Variants in ALG3 observed in about 807,000 individuals in gnomAD.
The protein encoded by ALG3 is dol-P-Man:Man(5)GlcNAc(2)-PP-Dol alpha-1,3-mannosyltransferase.
Under a neutral mutation model 50.5 loss-of-function variants are expected in ALG3, and 39 were observed. The ratio of observed to expected loss-of-function variants is 0.77; its 90% confidence interval spans 0.60 to 1.01. The LOEUF is 1.01. Among genes scored for constraint, ALG3 ranks in the 50% least tolerant of loss-of-function variants. The pLI is 0.00. For synonymous variants in ALG3, 252 were observed against 237.2 expected, an observed-to-expected ratio of 1.06 and a Z score of -0.58; for missense variants, 520 against 554.8, an observed-to-expected ratio of 0.94 and a Z score of 0.63.
rs563443280 is a variant in ALG3, at chr3:184,242,849, C to T, written c.1118G>A (p.Trp373Ter). 1 of 1,613,888 alleles carries T rather than the reference C, an allele frequency of 6.2e-7. No homozygotes were observed. The highest frequency in any genetic ancestry group is 2.2e-5 in the East Asian group (1 of 44,886). ...TGTGAGCCAGCGTGCAGGCATGGCCCACAGGAGGTAGGGCAGTGTGTGGAA... is the reference window on the plus strand; with the variant it reads ...TGTGAGCCAGCGTGCAGGCATGGCCTACAGGAGGTAGGGCAGTGTGTGGAA... ...WYFHTLPYLL[W>*]AMPARWLTHL... The change falls in exon 8 of 9, where the codon TGG becomes TAG. Residue 373 changes from tryptophan to a stop codon, truncating the protein, a stop_gained. Transcript: ENST00000397676. LOFTEE classifies it high-confidence loss of function.
chr3:184,247,151 G>A (rs1577106675), intron 1 of ALG3, among the ~76,000 whole-genome samples: 1 of 151,828 alleles, frequency 6.6e-6, no homozygotes, highest in Admixed American at 6.6e-5. Context: ...TGATCTGCCC[G>A]CCTCGGGCTC....
intron 5 of ALG3, 57 bp downstream of exon 5, chr3:184,244,544 C>G: frequency 6.4e-7 from 1 of 1,570,506 alleles, no homozygotes; most frequent in Non-Finnish European, 8.6e-7. Context: ...TAGAGCCCCT[C>G]AATCAAGACA....
At chr3:184,243,178 T>C (rs1718928984) in intron 7 of ALG3, 1 of 634,428 alleles carries the variant, frequency 1.6e-6, no homozygotes, top group Non-Finnish European at 2.7e-6. Context: ...TTTGAACCCC[T>C]AACTTACTGG....
intron 7 of ALG3, chr3:184,243,274 C>T: frequency 5.3e-6 from 3 of 570,656 alleles, no homozygotes; most frequent in Non-Finnish European, 6.2e-6. Flanking sequence ...AAGTGTACCT[C>T]CCTGTCTCGG....
At chr3:184,245,082 G>A (rs1303419807) in intron 4 of ALG3, 116 bp downstream of exon 4, 1 of 1,358,434 alleles carries the variant, frequency 7.4e-7, no homozygotes, top group Non-Finnish European at 1.0e-6. Flanking sequence ...TCGCTTTGTG[G>A]AGCCCTGAGT....
intron 7 of ALG3, chr3:184,243,336 T>C: frequency 1.7e-6 from 1 of 596,058 alleles, no homozygotes; most frequent in East Asian, 2.8e-5. Flanking sequence ...CTTATGATAG[T>C]ACCAGGGAGA....
intron 2 of ALG3, 21 bp from the exon 3 acceptor site, chr3:184,245,636 T>TGAG: frequency 6.2e-7 from 1 of 1,611,892 alleles, no homozygotes; most frequent in East Asian, 2.2e-5. Context: ...AGAGAAAATG[T>TGAG]GAGCCTGGGT....
rs1718989165 is a variant in ALG3 at position 184,244,013 on chromosome 3, T to A, written c.727-17A>T. The A allele has an allele frequency of 4.4e-6, 7 of 1,608,934 alleles. No homozygotes were observed. The highest frequency in any genetic ancestry group is 5.9e-6 in the Non-Finnish European group (7 of 1,177,158). ...CAGCACCACCTGAGGATTGGTGTGA[T>A]GTCAGCAGAGCTGCCAAGGCTCATT... On this transcript the variant is annotated splice_polypyrimidine_tract_variant and intron_variant, in intron 5 of 8. Coordinates refer to ENST00000397676, the MANE Select transcript of ALG3 (RefSeq NM_005787.6).
Position 184,245,534 on chromosome 3 carries a change from G to A in ALG3, c.378C>T (p.Asn126=). The A allele has an allele frequency of 1.2e-6, 2 of 1,613,998 alleles. No individual in the cohort carries two copies. The highest frequency in any genetic ancestry group is 1.7e-6 in the Non-Finnish European group (2 of 1,179,882). The change falls in exon 3 of 9, where the codon AAC becomes AAT. Residue 126 remains asparagine (N), a synonymous_variant. Coordinates refer to ENST00000397676, the MANE Select transcript of ALG3 (RefSeq NM_005787.6). ...TAGCCAGGTAGAGCACAGCAAAGAT[G>A]TTCTGGGCCATGCGGATGTCAGTGC... ...SRGTDIRMAQ[N]IFAVLYLATL...
chr3:184,242,352 T>G lies in ALG3; in HGVS notation c.*162A>C, dbSNP rs1247498744. The G allele has an allele frequency of 1.6e-5, 15 of 911,790 alleles. No individual in the cohort carries two copies. Among genetic ancestry groups the G allele is most frequent in the Non-Finnish European group, 2.6e-5 (15 of 571,100 alleles). 56.5% of individuals were successfully genotyped at this position (911,790 alleles called of 1,614,324 possible). ...GGACTGCTTGAGTGAATTCTTTATCTGCTCCATACGTGTCCCTCACAGCCT... is the reference window on the plus strand; with the variant it reads ...GGACTGCTTGAGTGAATTCTTTATCGGCTCCATACGTGTCCCTCACAGCCT... On this transcript the variant is annotated 3_prime_UTR_variant, in exon 9 of 9. Transcript: ENST00000397676.
chr3:184,242,750 A>G, intron 8 of ALG3, 63 bp downstream of exon 8: 1 of 1,598,804 alleles, frequency 6.3e-7, no homozygotes, highest in Non-Finnish European at 8.6e-7. Flanking sequence ...CATGCCCTAG[A>G]CATAAACCCC....
intron 7 of ALG3, 105 bp downstream of exon 7, chr3:184,243,449 G>A (rs1560162457): frequency 1.0e-6 from 1 of 1,003,822 alleles, no homozygotes; most frequent in Non-Finnish European, 1.5e-6. Flanking sequence ...TATGATTGGG[G>A]TCCCCTTTCC....
upstream of ALG3, chr3:184,248,966 C>T (rs747569137): frequency 6.4e-7 from 1 of 1,553,326 alleles, no homozygotes; most frequent in African/African-American, 1.4e-5. Context: ...CTTGTGTGGG[C>T]CCACCACCCC....
rs557190648 is a variant in ALG3, at chr3:184,243,833, T to G, written c.890A>C (p.His297Pro). The change falls in exon 6 of 9, where the codon CAC (histidine) becomes CCC (proline). Residue 297 changes from histidine (H) to proline (P), a missense_variant. Around this residue, in one of 3 missense-constraint regions of ALG3, gnomAD observed 224 missense variants for 272.8 expected, o/e 0.82. Coordinates refer to ENST00000397676, the MANE Select transcript of ALG3 (RefSeq NM_005787.6). The part of the protein sequence containing the change: ...RAFHLALLTA[H>P]LTLLLLFALC... ...GGCAAACAGCAGGAGCAGGGTGAGG[T>G]GGGCAGTCAACAGGGCCAGGTGGAA... is the stretch of plus-strand genomic sequence containing the variant. 6.2e-7 allele frequency: 1 copy of G among 1,613,846 alleles called. No individual in the cohort carries two copies. The highest frequency in any genetic ancestry group is 1.3e-5 in the African/African-American group (1 of 75,002).
chr3:184,248,804 G>A lies in ALG3; in HGVS notation c.137C>T (p.Ala46Val). Residue 46 changes from alanine (A) to valine (V), a missense_variant, in exon 1 of 9, where the codon GCC becomes GTC. By Grantham distance (64) the Ala-to-Val change is moderately conservative (BLOSUM62 0). Around this residue, in one of 3 missense-constraint regions of ALG3, gnomAD observed 290 missense variants for 265.9 expected, o/e 1.09. Coordinates refer to ENST00000397676, the MANE Select transcript of ALG3 (RefSeq NM_005787.6). ...LREPRYTLLV[A>V]ACLCLAEVGI... ...CACCTCCGCCAGGCAGAGGCAGGCG[G>A]CCACCAGCAGCGTGTAGCGCGGCTC... 6.2e-7 allele frequency: 1 copy of A among 1,605,568 alleles called. No homozygotes were observed. The highest frequency in any genetic ancestry group is 1.7e-4 in the Middle Eastern group (1 of 5,834).
Position 184,248,927 on chromosome 3 carries a change from A to C in ALG3, c.14T>G (p.Leu5Arg), listed in dbSNP as rs878853028. 3 of 1,583,872 alleles carry C rather than the reference A, an allele frequency of 1.9e-6. No individual in the cohort carries two copies. Among genetic ancestry groups the C allele is most frequent in the Non-Finnish European group, 1.7e-6 (2 of 1,166,290 alleles). Reference protein sequence around the residue: MAAGLRKRGRSGSAA... With the variant: MAAGRRKRGRSGSAA... ...GGAACCGGACCGGCCGCGTTTCCGC[A>C]GCCCAGCCGCCATCTTAACGGTGCG... Residue 5 changes from leucine to arginine, a missense_variant, in exon 1 of 9, where the codon CTG becomes CGG. This residue lies in a region of ALG3 where 290 missense variants were observed against 265.9 expected (regional missense o/e 1.09). Transcript: ENST00000397676.
intron 5 of ALG3, 143 bp from the exon 6 acceptor site, chr3:184,244,139 T>G: frequency 9.7e-6 from 8 of 823,364 alleles, no homozygotes; most frequent in Non-Finnish European, 1.3e-5. Flanking sequence ...GAAAACCACG[T>G]TCCCCACCCC....
upstream of ALG3, chr3:184,249,046 T>G (rs1719374164): frequency 6.6e-7 from 1 of 1,512,688 alleles, no homozygotes; most frequent in Admixed American, 2.0e-5. Context: ...TAAGCGCCGA[T>G]CCGAGTAGCC....
chr3:184,249,346 C>T, upstream of ALG3: 2 of 1,469,634 alleles, frequency 1.4e-6, no homozygotes, highest in South Asian at 1.2e-5. Flanking sequence ...CCCTTCGAGC[C>T]TTCCGGATGC....
Sources: allele counts gnomAD v4.1 joint callset (sites outside exome capture counted in the v4.1 genomes callset), GRCh38; gene constraint gnomAD v4.1.1; regional missense constraint gnomAD v4.1.1; transcripts MANE v1.5; gene names NCBI Gene and HGNC (gene_info 2026-07-23, HGNC 2026-07-21).